PRPF4: variants seen among roughly 807,000 people sequenced by gnomAD.
PRPF4 encodes the protein pre-mRNA splicing tri-snRNP complex factor PRPF4.
A neutral mutation model predicts 72.2 loss-of-function variants in PRPF4; 14 were observed. The observed-to-expected ratio is 0.19, with a 90% CI of 0.13 to 0.30. PRPF4 has a LOEUF of 0.30. Ranked by LOEUF, PRPF4 falls within the 10% of genes least tolerant of loss-of-function variation. The pLI is 1.00. For synonymous variants in PRPF4, 225 were observed against 232.2 expected (o/e 0.97, Z 0.28); for missense variants, 478 against 653.9 (o/e 0.73, Z 2.93).
At position 113,276,636 on chromosome 9, in the gene PRPF4, G is replaced by A. The variant is rs1832106930; in HGVS notation, c.116G>A (p.Arg39Lys). Residue 39 changes from arginine (R) to lysine (K), a missense_variant, in exon 2 of 14, where the codon AGG becomes AAG. Physicochemically the swap from Arg to Lys is conservative, Grantham distance 26. Transcript: ENST00000374198. ...TATGGAAGTTTGGAAGAGAAGGAGA[G>A]GGAGCGTCTGGCCAAAGGAGAGTCT... ...IYYGSLEEKE[R>K]ERLAKGESGI... The A allele has an allele frequency of 1.9e-6, 3 of 1,614,066 alleles. No individual in the cohort carries two copies. Among genetic ancestry groups the A allele is most frequent in the Non-Finnish European group, 2.5e-6 (3 of 1,179,970 alleles).
chr9:113,282,933 G>GA, intron 4 of PRPF4, 199 bp from the exon 5 acceptor site: 7 of 1,147,438 alleles, frequency 6.1e-6, no homozygotes, highest in Non-Finnish European at 7.3e-6. Flanking sequence ...TTCCAGTCAG[G>GA]AAAGAATCAT....
chr9:113,282,586 T>C, intron 3 of PRPF4, 60 bp from the exon 4 acceptor site: 1 of 1,333,240 alleles, frequency 7.5e-7, no homozygotes, highest in South Asian at 1.3e-5. Flanking sequence ...AAAGTGTACT[T>C]TAAAAACAGT....
At position 113,283,222 on chromosome 9, in the gene PRPF4, C is replaced by T; in HGVS notation, c.560+11C>T. The T allele has an allele frequency of 1.2e-6, 2 of 1,614,154 alleles. No individual in the cohort carries two copies. The highest frequency in any genetic ancestry group is 8.5e-7 in the Non-Finnish European group (1 of 1,180,038). On this transcript the variant is annotated intron_variant, in intron 5 of 13. Transcript: ENST00000374198. The stretch of plus-strand genomic sequence containing the variant: ...TTATTCGTTGCCCAGGTAAAGAGAG[C>T]CTCCAGTAGAAGAAAGAAGCATATT...
chr9:113,276,820 A>AG, intron 2 of PRPF4, 95 bp downstream of exon 2: 13 of 1,412,376 alleles, frequency 9.2e-6, no homozygotes, highest in Non-Finnish European at 1.2e-5. Flanking sequence ...AAAAAATTAC[A>AG]ATTTTTTTTT....
intron 9 of PRPF4, 129 bp downstream of exon 9, chr9:113,286,957 CAGG>C: frequency 2.2e-6 from 3 of 1,342,066 alleles, no homozygotes; most frequent in Non-Finnish European, 3.1e-6. Flanking sequence ...AAGGCTGAGG[CAGG>C]AGAATTGCTT....
chr9:113,283,158 A>T lies in PRPF4; in HGVS notation c.507A>T (p.Gly169=). 1 of 1,614,224 alleles carries T rather than the reference A, an allele frequency of 6.2e-7. No homozygotes were observed. Among genetic ancestry groups the T allele is most frequent in the Non-Finnish European group, 8.5e-7 (1 of 1,180,038 alleles). The change falls in exon 5 of 14, where the codon GGA becomes GGT. Residue 169 remains glycine (G), a synonymous_variant. Transcript: ENST00000374198. ...EEYQQTWYHE[G]PNSLKVARLW... ...ATCAGCAAACCTGGTATCATGAAGG[A>T]CCAAATAGCTTGAAGGTGGCAAGAC...
chr9:113,278,669 C>G (rs543173515), intron 2 of PRPF4, among the ~76,000 whole-genome samples: 1 of 152,320 alleles, frequency 6.6e-6, no homozygotes, highest in African/African-American at 2.4e-5. Context: ...ATGTTCTGTA[C>G]TCTTACTTGC....
chr9:113,283,567 GT>G, intron 6 of PRPF4, 85 bp downstream of exon 6: 5 of 1,406,424 alleles, frequency 3.6e-6, no homozygotes, highest in Non-Finnish European at 4.9e-6. Context: ...CTCTGGGAAG[GT>G]AGAGGCAACT....
chr9:113,288,158 G>A lies in PRPF4; in HGVS notation c.933-17G>A. 6.2e-7 allele frequency: 1 copy of A among 1,612,652 alleles called. No homozygotes were observed. The highest frequency in any genetic ancestry group is 8.5e-7 in the Non-Finnish European group (1 of 1,178,718). Reference sequence around the variant, plus strand: ...TATATGTCTATAAAATTGTTTATATGTTTGGTTCCTTTCCAGTGATGAACC... The same window carrying A: ...TATATGTCTATAAAATTGTTTATATATTTGGTTCCTTTCCAGTGATGAACC... On this transcript the variant is annotated splice_polypyrimidine_tract_variant and intron_variant, in intron 9 of 13. Transcript: ENST00000374198.
rs765445102 is a variant in PRPF4 at position 113,275,719 on chromosome 9, G to T, written c.-25G>T. On this transcript the variant is annotated 5_prime_UTR_variant, in exon 1 of 14. Coordinates refer to ENST00000374198, the MANE Select transcript of PRPF4 (RefSeq NM_001244926.2). ...GAAAGGGAGTGTTCGGGTTTCGCTG[G>T]GGCCTCGCGGCTCCAGAGCCCAGCA... 1 of 1,608,078 alleles carries T rather than the reference G, an allele frequency of 6.2e-7. No individual in the cohort carries two copies. Among genetic ancestry groups the T allele is most frequent in the African/African-American group, 1.3e-5 (1 of 74,492 alleles).
chr9:113,275,898 A>T, intron 1 of PRPF4, 128 bp downstream of exon 1: 1 of 1,311,828 alleles, frequency 7.6e-7, no homozygotes, highest in Non-Finnish European at 1.0e-6. Context: ...TGCGGGACTC[A>T]GCGGTGTCCT....
intron 6 of PRPF4, 88 bp from the exon 7 acceptor site, chr9:113,284,207 T>G (rs1588014368): frequency 2.0e-6 from 2 of 1,013,222 alleles, no homozygotes; most frequent in East Asian, 5.0e-5. Flanking sequence ...AAAAGCTGCT[T>G]TGTTGTTCTT....
chr9:113,276,463 ACT>A (rs1326353159), intron 1 of PRPF4, 83 bp from the exon 2 acceptor site: 1 of 1,437,652 alleles, frequency 7.0e-7, no homozygotes, highest in African/African-American at 1.4e-5. Context: ...GGACTGTGAA[ACT>A]CAGGGTGAGC....
At position 113,275,695 on chromosome 9, in the gene PRPF4, A is replaced by G. The variant is rs772304068; in HGVS notation, c.-49A>G. On this transcript the variant is annotated 5_prime_UTR_variant, in exon 1 of 14. Transcript: ENST00000374198. ...TGCTGGGCGCGCGGTGGACGGTCTG[A>G]AAGGGAGTGTTCGGGTTTCGCTGGG... 4.4e-6 allele frequency: 7 copies of G among 1,599,752 alleles called. No individual in the cohort carries two copies. Among genetic ancestry groups the G allele is most frequent in the South Asian group, 1.1e-5 (1 of 89,814 alleles).
In PRPF4 at chr9:113,288,202, C is replaced by G; in HGVS notation, c.960C>G (p.Gly320=). ...DSDEPVADIE[G]HTVRVARVMW... ...ATGAACCAGTGGCAGATATTGAAGG[C>G]CATACAGTGCGTGTGGCGCGGGTAA... Residue 320 remains glycine, a synonymous_variant, in exon 10 of 14, where the codon GGC becomes GGG. Transcript: ENST00000374198. 6.2e-7 allele frequency: 1 copy of G among 1,614,086 alleles called. No individual in the cohort carries two copies. Among genetic ancestry groups the G allele is most frequent in the African/African-American group, 1.3e-5 (1 of 75,056 alleles).
rs777516019 is a variant in PRPF4 at position 113,284,247 on chromosome 9, G to A, written c.655-48G>A. On this transcript the variant is annotated intron_variant, in intron 6 of 13. Transcript: ENST00000374198. ...TGGTGGAAAAGCAAAGGAGCTCTTA[G>A]ATTAACCTATTAATGATCACCGTGT... The A allele has an allele frequency of 1.8e-5, 25 of 1,399,190 alleles. No homozygotes were observed. In the East Asian group the frequency reaches 5.3e-4, roughly 29 times the overall value. 86.7% of individuals were successfully genotyped at this position (1,399,190 alleles called of 1,614,324 possible).
At position 113,276,582 on chromosome 9, in the gene PRPF4, C is replaced by A; in HGVS notation, c.62C>A (p.Ala21Asp). The change falls in exon 2 of 14, where the codon GCT (alanine) becomes GAT (aspartate). Residue 21 changes from alanine to aspartate, a missense_variant. Coordinates refer to ENST00000374198, the MANE Select transcript of PRPF4 (RefSeq NM_001244926.2). ...ACTAAAGCACCCGACGACTTAGTTGCTCCGGTCGTGAAGAAACCACACATC... is the reference window on the plus strand; with the variant it reads ...ACTAAAGCACCCGACGACTTAGTTGATCCGGTCGTGAAGAAACCACACATC... ...TKTKAPDDLVAPVVKKPHIYY... is the reference protein window; with the variant it reads ...TKTKAPDDLVDPVVKKPHIYY... 6.2e-7 allele frequency: 1 copy of A among 1,614,160 alleles called. No individual in the cohort carries two copies. The highest frequency in any genetic ancestry group is 8.5e-7 in the Non-Finnish European group (1 of 1,180,032).
intron 1 of PRPF4, among the ~76,000 whole-genome samples, 163 bp from the exon 2 acceptor site, chr9:113,276,385 A>G (rs1174895283): frequency 6.6e-6 from 1 of 151,976 alleles, no homozygotes; most frequent in Non-Finnish European, 1.5e-5. Flanking sequence ...CCCTACCTTC[A>G]CCTCCTCAAA....
At chr9:113,282,342 T>C (rs1452111081) in intron 3 of PRPF4, among the ~76,000 whole-genome samples, 1 of 151,978 alleles carries the variant, frequency 6.6e-6, no homozygotes, top group African/African-American at 2.4e-5. Context: ...GTTGTAGCAG[T>C]GTACATGTAG....
Sources: allele counts gnomAD v4.1 joint callset (sites outside exome capture counted in the v4.1 genomes callset), GRCh38; gene constraint gnomAD v4.1.1; transcripts MANE v1.5; gene names NCBI Gene and HGNC (gene_info 2026-07-23, HGNC 2026-07-21).